Variants in SNX32 observed in about 807,000 individuals in gnomAD.
The protein encoded by SNX32 is sorting nexin 32, also known as sorting nexin-32.
In SNX32, 58 loss-of-function variants were observed where a neutral mutation model predicts 57.0. That is an observed-to-expected ratio of 1.02 (90% CI 0.82 to 1.27). SNX32 has a LOEUF of 1.27. Ranked by LOEUF, SNX32 falls within the 50% of genes most tolerant of loss-of-function variation. The probability of loss-of-function intolerance (pLI) is 0.00; values close to 1 mark genes in which losing one functional copy is unlikely to be tolerated. For missense variants in SNX32, 589 were observed against 541.2 expected (o/e 1.09, Z -0.88); for synonymous variants, 262 against 220.4 (o/e 1.19, Z -1.67).
intron 1 of SNX32, among the ~76,000 whole-genome samples, chr11:65,844,374 C>T (rs1419652007): frequency 6.6e-6 from 1 of 151,890 alleles, no homozygotes; most frequent in Non-Finnish European, 1.5e-5. Context: ...TCAGCTACTC[C>T]AGAGGATTGC....
Position 65,842,182 on chromosome 11 carries a change from C to A in SNX32, c.37-7296C>A, listed in dbSNP as rs1565247697. ...ATTATCATAAGGATAAACATTTAGA[C>A]CAATGGAACACAGTAGAGAGTCCAA... On this transcript the variant is annotated intron_variant, in intron 1 of 12. Transcript: ENST00000308342. 3.9e-5 allele frequency among the ~76,000 whole-genome samples: 6 copies of A among 152,274 alleles called. No individual in the cohort carries two copies. In the South Asian group the frequency reaches 1.2e-3, roughly 32 times the overall value.
At chr11:65,848,365 G>A (rs1356175448) in intron 1 of SNX32, among the ~76,000 whole-genome samples, 1 of 151,354 alleles carries the variant, frequency 6.6e-6, no homozygotes, top group Admixed American at 6.6e-5. Context: ...TTGAGCCCAG[G>A]AGTTTGAGAC....
In SNX32 at chr11:65,839,290, C is replaced by T. The variant is rs143484683; in HGVS notation, c.36+5189C>T. Reference sequence around the variant, plus strand: ...TGTCGCCCAGGCTGGAGTGCAGTGGCGGGATCTCGGCTCACTGCAAGCTCC... The same window carrying T: ...TGTCGCCCAGGCTGGAGTGCAGTGGTGGGATCTCGGCTCACTGCAAGCTCC... On this transcript the variant is annotated intron_variant, in intron 1 of 12. Coordinates refer to ENST00000308342, the MANE Select transcript of SNX32 (RefSeq NM_152760.3). Among the ~76,000 whole-genome samples the T allele has an allele frequency of 0.012, 1,312 of 112,452 alleles. 151 individuals carry two copies. In the East Asian group the frequency reaches 0.29, roughly 25 times the overall value. 73.8% of individuals were successfully genotyped at this position (112,452 alleles called of 152,430 possible).
rs1337632889 is a variant in SNX32 at position 65,834,037 on chromosome 11, G to T, written c.-29G>T. ...GACGACCTGCGGGAGCACGCGGGCA[G>T]TGGCCGGACGCTGAAGCCCAGGAGA... On this transcript the variant is annotated 5_prime_UTR_variant, in exon 1 of 13. Transcript: ENST00000308342. The T allele has an allele frequency of 1.9e-6, 3 of 1,549,176 alleles. No individual in the cohort carries two copies. Among genetic ancestry groups the T allele is most frequent in the Non-Finnish European group, 2.6e-6 (3 of 1,145,734 alleles).
chr11:65,848,685 C>G (rs1359737529), intron 1 of SNX32, among the ~76,000 whole-genome samples: 1 of 152,216 alleles, frequency 6.6e-6, no homozygotes, highest in Non-Finnish European at 1.5e-5. Context: ...GCTTTTGCCT[C>G]TTGGCACCAA....
At chr11:65,853,219 CAGAA>C in intron 12 of SNX32, 59 bp from the exon 13 acceptor site, 1 of 1,609,112 alleles carries the variant, frequency 6.2e-7, no homozygotes. Context: ...ATCTAAGGTG[CAGAA>C]AGAATGGCAG....
chr11:65,842,330 C>T lies in SNX32; in HGVS notation c.37-7148C>T, dbSNP rs117591916. Among the ~76,000 whole-genome samples, 604 of 152,264 alleles carry T rather than the reference C, an allele frequency of 4.0e-3. 3 individuals carry two copies. The highest frequency in any genetic ancestry group is 6.8e-3 in the Non-Finnish European group (460 of 68,020). On this transcript the variant is annotated intron_variant, in intron 1 of 12. Transcript: ENST00000308342. The stretch of plus-strand genomic sequence containing the variant: ...CCACATGGCACAATGAATCATAACC[C>T]ATACCTCACACTGCATATTCAAAAT...
intron 1 of SNX32, among the ~76,000 whole-genome samples, chr11:65,848,407 TA>T (rs779856056): frequency 0.016 from 1,783 of 114,764 alleles, 10 homozygotes; most frequent in South Asian, 0.05. Context: ...ACTCTGTCTC[TA>T]AAAAAAAAAA....
In SNX32 at chr11:65,853,389, C is replaced by A. The variant is rs377646293; in HGVS notation, c.*54C>A. 5.7e-6 allele frequency: 9 copies of A among 1,566,330 alleles called. No homozygotes were observed. In the African/African-American group the frequency reaches 1.2e-4, roughly 21 times the overall value. ...CTGGGATCTCCAGTGACCAGGGTATCCCAGACCCCTCTCTCCGGCAAGATG... is the reference window on the plus strand; with the variant it reads ...CTGGGATCTCCAGTGACCAGGGTATACCAGACCCCTCTCTCCGGCAAGATG... On this transcript the variant is annotated 3_prime_UTR_variant, in exon 13 of 13. Transcript: ENST00000308342.
chr11:65,852,732 A>C lies in SNX32; in HGVS notation c.1015A>C (p.Ser339Arg), dbSNP rs1448909242. 1 of 1,606,044 alleles carries C rather than the reference A, an allele frequency of 6.2e-7. No individual in the cohort carries two copies. Among genetic ancestry groups the C allele is most frequent in the Admixed American group, 1.7e-5 (1 of 59,670 alleles). The change falls in exon 11 of 13, where the codon AGC (serine) becomes CGC (arginine). Residue 339 changes from serine to arginine, a missense_variant. Coordinates refer to ENST00000308342, the MANE Select transcript of SNX32 (RefSeq NM_152760.3). ...GAACCGGGAGGTGCGGCCCGCCGAGAGCCACCAGCAGCTGTGCTGCCAACG... is the reference window on the plus strand; with the variant it reads ...GAACCGGGAGGTGCGGCCCGCCGAGCGCCACCAGCAGCTGTGCTGCCAACG... ...TRNREVRPAESHQQLCCQRFE... is the reference protein window; with the variant it reads ...TRNREVRPAERHQQLCCQRFE...
At chr11:65,843,114 G>A (rs577290972) in intron 1 of SNX32, among the ~76,000 whole-genome samples, 3 of 150,854 alleles carry the variant, frequency 2.0e-5, no homozygotes, top group African/African-American at 7.3e-5. Flanking sequence ...CCAGCTACTA[G>A]GGAGGCTGAG....
intron 1 of SNX32, among the ~76,000 whole-genome samples, chr11:65,836,358 C>T (rs1245615610): frequency 1.3e-5 from 2 of 152,104 alleles, no homozygotes; most frequent in African/African-American, 4.8e-5. Flanking sequence ...GCCTGGCCAA[C>T]ATGGTGAAAC....
At chr11:65,848,602 T>C (rs1859066646) in intron 1 of SNX32, among the ~76,000 whole-genome samples, 1 of 152,150 alleles carries the variant, frequency 6.6e-6, no homozygotes, top group Admixed American at 6.5e-5. Flanking sequence ...AATAGCTCAA[T>C]GCAAGAATGA....
chr11:65,853,133 C>CTGG, intron 12 of SNX32, 149 bp from the exon 13 acceptor site: 1 of 1,315,770 alleles, frequency 7.6e-7, no homozygotes, highest in South Asian at 1.2e-5. Flanking sequence ...GCTCAGGACC[C>CTGG]GTGCCTTCTG....
chr11:65,842,568 G>C (rs1304640103), intron 1 of SNX32, among the ~76,000 whole-genome samples: 2 of 151,998 alleles, frequency 1.3e-5, no homozygotes. Flanking sequence ...CAAGAGAATG[G>C]CATGAACCCA....
At chr11:65,841,702 C>A (rs1311598899) in intron 1 of SNX32, among the ~76,000 whole-genome samples, 1 of 151,672 alleles carries the variant, frequency 6.6e-6, no homozygotes, top group East Asian at 1.9e-4. Context: ...CCATCGCACT[C>A]CAGCCTGGGC....
At position 65,852,798 on chromosome 11, in the gene SNX32, G is replaced by T. The variant is rs377266615; in HGVS notation, c.1072+9G>T. On this transcript the variant is annotated intron_variant, in intron 11 of 12. Transcript: ENST00000308342. ...CGACTCCGCCAAGCAAGGTGAGCCC[G>T]CAGCCCCCAGCCCCAGCCTGGGGCC... 27 of 1,609,312 alleles carry T rather than the reference G, an allele frequency of 1.7e-5. No individual in the cohort carries two copies. The highest frequency in any genetic ancestry group is 2.3e-5 in the Non-Finnish European group (27 of 1,177,004).
intron 1 of SNX32, among the ~76,000 whole-genome samples, chr11:65,834,757 G>A (rs1192043816): frequency 6.7e-6 from 1 of 148,186 alleles, no homozygotes; most frequent in Non-Finnish European, 1.5e-5. Flanking sequence ...TCTATGTATG[G>A]TCTGCGTGCA....
rs371148171 is a variant in SNX32 at position 65,852,912 on chromosome 11, G to C, written c.1112G>C (p.Arg371Pro). 3.1e-6 allele frequency: 5 copies of C among 1,614,010 alleles called. No homozygotes were observed. The highest frequency in any genetic ancestry group is 3.4e-6 in the Non-Finnish European group (4 of 1,180,024). The stretch of plus-strand genomic sequence containing the variant: ...AAGTCCCGCCGGGTCTCCTCTTTTC[G>C]AAAGAATCTCATTGAGCTGGCAGAG... The part of the protein sequence containing the change: ...DFKSRRVSSF[R>P]KNLIELAELE... Residue 371 changes from arginine (R) to proline (P), a missense_variant, in exon 12 of 13, where the codon CGA becomes CCA. Coordinates refer to ENST00000308342, the MANE Select transcript of SNX32 (RefSeq NM_152760.3).
Sources: gnomAD v4.1 joint callset for allele counts (sites outside exome capture counted in the v4.1 genomes callset) on GRCh38, gnomAD v4.1.1 for gene constraint, MANE v1.5 for transcripts, NCBI Gene and HGNC (gene_info 2026-07-23, HGNC 2026-07-21) for gene names.